The following DOCK3 variants were observed in gnomAD, a reference collection of about 807,000 sequenced individuals.
DOCK3 encodes the protein dedicator of cytokinesis protein 3.
A neutral mutation model predicts 265.6 loss-of-function variants in DOCK3; 60 were observed. That is an observed-to-expected ratio of 0.23 (90% confidence interval 0.18 to 0.28). DOCK3 has a LOEUF of 0.28. Among genes scored for constraint, DOCK3 ranks in the 10% least tolerant of loss-of-function variants. The pLI is 1.00. For synonymous variants in DOCK3, 881 were observed against 938.0 expected (o/e 0.94, Z 1.11); for missense variants, 1,981 against 2,594.3 (o/e 0.76, Z 5.14).
chr3:51,282,653 CAAAAAAAAAAAA>C (rs1198884358), intron 27 of DOCK3, among the ~76,000 whole-genome samples: 1 of 81,496 alleles, frequency 1.2e-5, no homozygotes, highest in African/African-American at 4.6e-5. Context: ...AACTCTGTCT[CAAAAAAAAAAAA>C]AAAAGAAAAG....
At chr3:50,996,173 C>T (rs115680081) in intron 5 of DOCK3, among the ~76,000 whole-genome samples, 1,639 of 151,292 alleles carry the variant, frequency 0.011, 17 homozygotes, top group Non-Finnish European at 0.019. Flanking sequence ...TGCATCTGGC[C>T]GTATTGTTGA....
At chr3:51,300,474 G>A (rs905663886) in intron 27 of DOCK3, among the ~76,000 whole-genome samples, 1 of 152,168 alleles carries the variant, frequency 6.6e-6, no homozygotes, top group Non-Finnish European at 1.5e-5. Flanking sequence ...TCCTTGTCTT[G>A]TGCCGGTTTT....
At chr3:51,187,212 G>A (rs2087661437) in intron 12 of DOCK3, among the ~76,000 whole-genome samples, 1 of 152,212 alleles carries the variant, frequency 6.6e-6, no homozygotes, top group Non-Finnish European at 1.5e-5. Context: ...AGCGTGACCT[G>A]GATGTGAGAC....
chr3:50,892,545 G>A (rs1228503786), intron 4 of DOCK3, among the ~76,000 whole-genome samples: 2 of 152,062 alleles, frequency 1.3e-5, no homozygotes, highest in East Asian at 3.9e-4. Flanking sequence ...TTCCAGTGGG[G>A]CAAAGAAAAA....
At chr3:50,863,359 G>A (rs1036378121) in intron 3 of DOCK3, 6 of 512,464 alleles carry the variant, frequency 1.2e-5, no homozygotes, top group South Asian at 2.9e-5. Context: ...CTGGCTACCC[G>A]GTTCTTTGTG....
intron 38 of DOCK3, among the ~76,000 whole-genome samples, chr3:51,345,352 G>A (rs929993010): frequency 6.6e-6 from 1 of 152,160 alleles, no homozygotes; most frequent in African/African-American, 2.4e-5. Context: ...GCTCATGCCT[G>A]TAATGTCAAC....
chr3:50,909,641 G>GT (rs71633043), intron 4 of DOCK3, among the ~76,000 whole-genome samples: 14,335 of 98,094 alleles, frequency 0.15, 1,285 homozygotes, highest in East Asian at 0.31. Flanking sequence ...TACCCTTAAC[G>GT]TTTTTTTTTT....
At chr3:50,753,938 C>G (rs1216568554) in intron 1 of DOCK3, among the ~76,000 whole-genome samples, 1 of 151,898 alleles carries the variant, frequency 6.6e-6, no homozygotes, top group African/African-American at 2.4e-5. Flanking sequence ...AGTGGGTCAC[C>G]TGGGGTCAGG....
rs1047340497 is a variant in DOCK3, at chr3:51,121,638, T to G, written c.747-24911T>G. ...TTTAAAGACAATTGGAAGACATTTA[T>G]GTCCAGTGATTTGTATTTTTCTAAG... is the stretch of plus-strand genomic sequence containing the variant. On this transcript the variant is annotated intron_variant, in intron 9 of 52. Transcript: ENST00000266037. Among the ~76,000 whole-genome samples the G allele has an allele frequency of 3.3e-5, 5 of 152,140 alleles. No homozygotes were observed. The East Asian group carries it at 9.6e-4, about 29-fold the overall frequency.
At chr3:50,930,744 G>A (rs904126845) in intron 4 of DOCK3, among the ~76,000 whole-genome samples, 2 of 152,234 alleles carry the variant, frequency 1.3e-5, no homozygotes, top group African/African-American at 4.8e-5. Flanking sequence ...AGACCCTTAT[G>A]GGGCAGACCC....
rs576701124 is a variant in DOCK3, at chr3:51,164,938, G to GC, written c.1037+4238dup. On this transcript the variant is annotated intron_variant, in intron 12 of 52. Coordinates refer to ENST00000266037, the MANE Select transcript of DOCK3 (RefSeq NM_004947.5). ...CTGTCTTAAGAGTACTTGTTTAGGAGCCTTTTTTTTTTTTTTTTTTTGAGA... is the reference window on the plus strand; with the variant it reads ...CTGTCTTAAGAGTACTTGTTTAGGAGCCCTTTTTTTTTTTTTTTTTTTGAGA... Among the ~76,000 whole-genome samples the GC allele has an allele frequency of 1.0e-3, 109 of 104,700 alleles. 2 individuals carry two copies. The East Asian group carries it at 0.031, about 29-fold the overall frequency. The allele number at this position is 104,700 out of a possible 152,430, so 68.7% of individuals were successfully genotyped here.
chr3:51,284,551 A>AGTGCT (rs1223650872), intron 27 of DOCK3, among the ~76,000 whole-genome samples: 2 of 152,196 alleles, frequency 1.3e-5, no homozygotes, highest in African/African-American at 4.8e-5. Flanking sequence ...GCAGTGCAGA[A>AGTGCT]AAGGGGCAGG....
intron 12 of DOCK3, 83 bp downstream of exon 12, chr3:51,160,785 C>T (rs1238182796): frequency 8.1e-6 from 12 of 1,490,462 alleles, no homozygotes; most frequent in East Asian, 2.4e-5. Context: ...GTGCTCAAAC[C>T]TTGTGGACAC....
At chr3:51,273,391 T>C (rs142006734) in intron 24 of DOCK3, among the ~76,000 whole-genome samples, 1 of 152,220 alleles carries the variant, frequency 6.6e-6, no homozygotes, top group African/African-American at 2.4e-5. Context: ...ATTGAATGCC[T>C]GAGTTGCAGC....
At chr3:51,092,493 A>T (rs1221088069) in intron 9 of DOCK3, among the ~76,000 whole-genome samples, 1 of 152,232 alleles carries the variant, frequency 6.6e-6, no homozygotes, top group Non-Finnish European at 1.5e-5. Flanking sequence ...CATCTCTGAA[A>T]AAAAGGCAGC....
At chr3:50,991,767 C>CAA (rs539608141) in intron 5 of DOCK3, among the ~76,000 whole-genome samples, 4 of 150,616 alleles carry the variant, frequency 2.7e-5, no homozygotes, top group Non-Finnish European at 5.9e-5. Context: ...AACTCTCCAC[C>CAA]AAAAAAAAAC....
intron 1 of DOCK3, among the ~76,000 whole-genome samples, chr3:50,745,887 T>A (rs1227694120): frequency 6.6e-6 from 1 of 152,224 alleles, no homozygotes. Flanking sequence ...TCCTGTTTGT[T>A]TTCTTTTCAG....
intron 3 of DOCK3, chr3:50,876,610 C>T (rs1316491147): frequency 6.6e-6 from 1 of 152,206 alleles, no homozygotes; most frequent in African/African-American, 2.4e-5. Flanking sequence ...ATCAGAGGTA[C>T]ACCGGTTTGT....
intron 5 of DOCK3, among the ~76,000 whole-genome samples, chr3:50,990,840 AT>A (rs2078077372): frequency 6.6e-6 from 1 of 152,156 alleles, no homozygotes; most frequent in Non-Finnish European, 1.5e-5. Context: ...CTGGCAGCTG[AT>A]TAGATGGTGC....
Sources: allele counts gnomAD v4.1 joint callset (sites outside exome capture counted in the v4.1 genomes callset), GRCh38; gene constraint gnomAD v4.1.1; transcripts MANE v1.5; gene names NCBI Gene and HGNC (gene_info 2026-07-23, HGNC 2026-07-21).